NRG3: variants seen among roughly 807,000 people sequenced by gnomAD.
The protein encoded by NRG3 is pro-neuregulin-3, membrane-bound isoform.
Under a neutral mutation model 66.9 loss-of-function variants are expected in NRG3, and 31 were observed. That is an observed-to-expected ratio of 0.46 (90% CI 0.35 to 0.63). The LOEUF is 0.63. Ranked by LOEUF, NRG3 falls within the 20% of genes least tolerant of loss-of-function variation. NRG3 has a pLI of 0.00. For synonymous variants in NRG3, 393 were observed against 359.4 expected (o/e 1.09, Z -1.06); for missense variants, 910 against 878.9 (o/e 1.04, Z -0.45).
At chr10:82,715,721 G>C (rs1343869318) in intron 2 of NRG3, among the ~76,000 whole-genome samples, 1 of 152,126 alleles carries the variant, frequency 6.6e-6, no homozygotes, top group Non-Finnish European at 1.5e-5. Flanking sequence ...AGTGTCACTG[G>C]AAGGTTAAGA....
At chr10:82,397,530 C>T (rs754572810) in intron 2 of NRG3, among the ~76,000 whole-genome samples, 1 of 152,124 alleles carries the variant, frequency 6.6e-6, no homozygotes, top group African/African-American at 2.4e-5. Context: ...AATATTAACT[C>T]ATGACAATTT....
chr10:82,728,751 C>G (rs1040496949), intron 2 of NRG3, among the ~76,000 whole-genome samples: 1 of 152,122 alleles, frequency 6.6e-6, no homozygotes, highest in South Asian at 2.1e-4. Context: ...GCTAATTTCT[C>G]AATTTTGATC....
intron 1 of NRG3, among the ~76,000 whole-genome samples, chr10:82,175,382 C>T (rs897262497): frequency 5.9e-5 from 9 of 152,160 alleles, no homozygotes; most frequent in Middle Eastern, 3.2e-3. Flanking sequence ...TTAGCAGCAG[C>T]GCCTTTTACA....
intron 1 of NRG3, among the ~76,000 whole-genome samples, chr10:82,125,806 T>G (rs1173696101): frequency 6.6e-6 from 1 of 151,986 alleles, no homozygotes; most frequent in Non-Finnish European, 1.5e-5. Flanking sequence ...CTGCCCAGAT[T>G]TGTGTAATTT....
At chr10:82,264,422 C>G (rs1458382511) in intron 1 of NRG3, among the ~76,000 whole-genome samples, 1 of 152,052 alleles carries the variant, frequency 6.6e-6, no homozygotes, top group Non-Finnish European at 1.5e-5. Flanking sequence ...TCCCGCCCCG[C>G]CCGATTCAAT....
At chr10:82,483,464 G>A (rs567715768) in intron 2 of NRG3, among the ~76,000 whole-genome samples, 1 of 152,166 alleles carries the variant, frequency 6.6e-6, no homozygotes, top group Non-Finnish European at 1.5e-5. Context: ...GGTAATTCTT[G>A]TATGTTTTCA....
chr10:82,002,958 A>T (rs2061232067), intron 1 of NRG3, among the ~76,000 whole-genome samples: 1 of 152,214 alleles, frequency 6.6e-6, no homozygotes, highest in Non-Finnish European at 1.5e-5. Context: ...TTTTGAAAAG[A>T]TCACTCTGAT....
intron 1 of NRG3, among the ~76,000 whole-genome samples, chr10:82,285,056 G>T (rs895733135): frequency 6.6e-6 from 1 of 152,232 alleles, no homozygotes; most frequent in East Asian, 1.9e-4. Flanking sequence ...TATTTGTTTG[G>T]CTGATGCCAT....
At chr10:81,888,855 G>C (rs562696765) in intron 1 of NRG3, among the ~76,000 whole-genome samples, 1 of 152,262 alleles carries the variant, frequency 6.6e-6, no homozygotes, top group South Asian at 2.1e-4. Flanking sequence ...AGGTTTCCAG[G>C]ATGACTTGGA....
intron 4 of NRG3, among the ~76,000 whole-genome samples, chr10:82,935,640 G>A (rs746687788): frequency 3.3e-5 from 5 of 150,790 alleles, no homozygotes; most frequent in Non-Finnish European, 5.9e-5. Flanking sequence ...TTTTTTAAAC[G>A]GAGTCTCGCT....
chr10:82,388,845 C>T (rs180984645), intron 2 of NRG3, among the ~76,000 whole-genome samples: 2 of 152,268 alleles, frequency 1.3e-5, no homozygotes, highest in East Asian at 3.9e-4. Flanking sequence ...GCTCTCCATA[C>T]CATCGGCATC....
intron 2 of NRG3, among the ~76,000 whole-genome samples, chr10:82,606,178 C>T (rs1184577825): frequency 1.3e-5 from 2 of 152,110 alleles, no homozygotes; most frequent in Non-Finnish European, 2.9e-5. Context: ...TATAAATTTA[C>T]TGCTAGGCAC....
intron 1 of NRG3, among the ~76,000 whole-genome samples, chr10:81,990,699 G>A (rs367608463): frequency 1.3e-5 from 2 of 152,020 alleles, no homozygotes; most frequent in African/African-American, 4.8e-5. Flanking sequence ...CCGGAAAAGA[G>A]ACTTATAGCA....
chr10:82,933,283 T>A (rs1331915964), intron 4 of NRG3, among the ~76,000 whole-genome samples: 5 of 152,164 alleles, frequency 3.3e-5, no homozygotes, highest in African/African-American at 1.2e-4. Flanking sequence ...TCTTGGGAAG[T>A]AAGCATGTGG....
chr10:82,086,833 A>G (rs2065755991), intron 1 of NRG3, among the ~76,000 whole-genome samples: 1 of 152,144 alleles, frequency 6.6e-6, no homozygotes, highest in Non-Finnish European at 1.5e-5. Context: ...AAATTTAGGT[A>G]GAAATATTTG....
intron 2 of NRG3, among the ~76,000 whole-genome samples, chr10:82,729,843 G>A (rs558278341): frequency 6.6e-6 from 1 of 152,274 alleles, no homozygotes; most frequent in East Asian, 1.9e-4. Context: ...AGAAGACCTT[G>A]TAGTTGAGCA....
At chr10:82,550,828 T>A (rs1185049961) in intron 2 of NRG3, among the ~76,000 whole-genome samples, 1 of 152,114 alleles carries the variant, frequency 6.6e-6, no homozygotes, top group Non-Finnish European at 1.5e-5. Context: ...TAACATTCTA[T>A]ATCAGAAAAT....
intron 2 of NRG3, among the ~76,000 whole-genome samples, chr10:82,637,873 T>A (rs1290458243): frequency 6.6e-6 from 1 of 151,854 alleles, no homozygotes; most frequent in Non-Finnish European, 1.5e-5. Flanking sequence ...ATGATAGCAA[T>A]GCGGTAAAGT....
intron 2 of NRG3, among the ~76,000 whole-genome samples, chr10:82,502,951 C>A (rs1160212941): frequency 1.3e-5 from 2 of 152,036 alleles, no homozygotes; most frequent in South Asian, 2.1e-4. Flanking sequence ...GATTTGCATT[C>A]TTTTGCCTTC....
Sources: gnomAD v4.1 joint callset for allele counts (sites outside exome capture counted in the v4.1 genomes callset) on GRCh38, gnomAD v4.1.1 for gene constraint, MANE v1.5 for transcripts, NCBI Gene and HGNC (gene_info 2026-07-23, HGNC 2026-07-21) for gene names.